The following SFMBT2 variants were observed in gnomAD, a reference collection of about 807,000 sequenced individuals.
SFMBT2 encodes Scm like with four mbt domains 2.
A neutral mutation model predicts 110.1 loss-of-function variants in SFMBT2; 38 were observed. That is an observed-to-expected ratio of 0.35 (90% confidence interval 0.27 to 0.45). The LOEUF (loss-of-function observed/expected upper bound fraction) is 0.45. SFMBT2 is among the 20% of genes least tolerant of loss of function. The pLI is 1.00. For synonymous variants in SFMBT2, 425 were observed against 425.4 expected (o/e 1.00, Z 0.01); for missense variants, 1,011 against 1,094.9 (o/e 0.92, Z 1.08).
intron 9 of SFMBT2, among the ~76,000 whole-genome samples, chr10:7,228,738 T>TCC (rs1840009300): frequency 1.6e-5 from 1 of 62,550 alleles, no homozygotes; most frequent in Admixed American, 1.8e-4. Flanking sequence ...TTTCTTTCCT[T>TCC]TCTCTCTCTC....
chr10:7,171,782 G>T lies in SFMBT2; in HGVS notation c.2415+113C>A. On this transcript the variant is annotated intron_variant, in intron 19 of 20. Transcript: ENST00000397167. This position sits in a 1 kb window ranked among gnomAD's most constrained non-coding sequence, Gnocchi z 4.9. ...GACTTGGGAACTAGCTAGAGCAGCT[G>T]CTGCTGTTGGAGGTATTTTAAACAG... The T allele has an allele frequency of 8.7e-7, 1 of 1,147,706 alleles. No individual in the cohort carries two copies. Among genetic ancestry groups the T allele is most frequent in the African/African-American group, 1.6e-5 (1 of 61,760 alleles). 71.1% of individuals were successfully genotyped at this position (1,147,706 alleles called of 1,614,324 possible). A position where few individuals can be genotyped will look rare whatever the true frequency, so the allele number is the denominator to read the frequency against.
intron 4 of SFMBT2, among the ~76,000 whole-genome samples, chr10:7,343,673 C>T (rs1286449881): frequency 6.6e-6 from 1 of 152,124 alleles, no homozygotes; most frequent in Non-Finnish European, 1.5e-5. Flanking sequence ...TGCTTGTTGG[C>T]CATGTGTATG....
chr10:7,398,443 G>C (rs1027504726), intron 1 of SFMBT2, among the ~76,000 whole-genome samples: 8 of 152,196 alleles, frequency 5.3e-5, no homozygotes, highest in African/African-American at 1.7e-4. Context: ...TATAAAGAAG[G>C]ATGAAGTTTT....
At chr10:7,406,079 C>G (rs1235889480) in intron 1 of SFMBT2, among the ~76,000 whole-genome samples, 1 of 151,710 alleles carries the variant, frequency 6.6e-6, no homozygotes, top group African/African-American at 2.4e-5. Context: ...GTACAAAAAC[C>G]TTTATGACTT....
chr10:7,345,012 G>C (rs1187403714), intron 4 of SFMBT2, among the ~76,000 whole-genome samples: 1 of 144,670 alleles, frequency 6.9e-6, no homozygotes, highest in African/African-American at 2.6e-5. Context: ...GATGATACAA[G>C]AGAGTTGTAA....
chr10:7,240,514 G>A (rs1420878858), intron 9 of SFMBT2, among the ~76,000 whole-genome samples: 1 of 152,092 alleles, frequency 6.6e-6, no homozygotes, highest in African/African-American at 2.4e-5. Flanking sequence ...ATAACTTAAG[G>A]GGAAATTTCC....
chr10:7,296,517 A>G (rs1842410946), intron 4 of SFMBT2, among the ~76,000 whole-genome samples: 1 of 152,216 alleles, frequency 6.6e-6, no homozygotes, highest in Non-Finnish European at 1.5e-5. Flanking sequence ...CCTGAAGCAA[A>G]AGAACTTCCA....
intron 7 of SFMBT2, among the ~76,000 whole-genome samples, chr10:7,257,628 AAG>A (rs139558357): frequency 0.012 from 1,795 of 152,316 alleles, 37 homozygotes; most frequent in African/African-American, 0.042. Flanking sequence ...ACAGAAAAGA[AAG>A]AACATTCATG....
At chr10:7,350,132 A>T (rs950347936) in intron 4 of SFMBT2, among the ~76,000 whole-genome samples, 5 of 151,340 alleles carry the variant, frequency 3.3e-5, no homozygotes, top group African/African-American at 9.7e-5. Context: ...GGCAAAGTCA[A>T]CCTTGATCCT....
intron 16 of SFMBT2, 28 bp downstream of exon 16, chr10:7,188,596 C>T (rs1401763229): frequency 1.3e-6 from 2 of 1,582,832 alleles, no homozygotes; most frequent in African/African-American, 2.7e-5. Context: ...TACAAAAACC[C>T]TTGCTTTCCA....
intron 4 of SFMBT2, among the ~76,000 whole-genome samples, chr10:7,362,511 T>C (rs1029461269): frequency 4.6e-5 from 7 of 152,230 alleles, no homozygotes; most frequent in Non-Finnish European, 7.3e-5. Flanking sequence ...GTGACTCCAG[T>C]TACTAGAAAA....
At chr10:7,335,733 C>T (rs1738327367) in intron 4 of SFMBT2, among the ~76,000 whole-genome samples, 1 of 152,184 alleles carries the variant, frequency 6.6e-6, no homozygotes, top group African/African-American at 2.4e-5. Context: ...ATCCAATCCA[C>T]ATCAGAAATA....
intron 17 of SFMBT2, among the ~76,000 whole-genome samples, chr10:7,173,645 C>A (rs894634346): frequency 6.6e-6 from 1 of 152,128 alleles, no homozygotes; most frequent in African/African-American, 2.4e-5. Flanking sequence ...CAAAATGTAT[C>A]ATCAGCTAAT....
At chr10:7,248,433 C>T in intron 8 of SFMBT2, 115 bp downstream of exon 8, 1 of 826,198 alleles carries the variant, frequency 1.2e-6, no homozygotes, top group Admixed American at 2.4e-5. Flanking sequence ...CTTAGCTTCG[C>T]CTGGCATTGC....
At chr10:7,371,171 T>A (rs943871751) in intron 2 of SFMBT2, among the ~76,000 whole-genome samples, 7 of 152,332 alleles carry the variant, frequency 4.6e-5, no homozygotes, top group East Asian at 1.9e-4. Context: ...TCACCCAGGC[T>A]GGAGTGCAGT....
chr10:7,169,493 T>C (rs1286046529), intron 20 of SFMBT2, among the ~76,000 whole-genome samples: 1 of 152,254 alleles, frequency 6.6e-6, no homozygotes, highest in Non-Finnish European at 1.5e-5. Flanking sequence ...ACAGACCTTT[T>C]ATGTTTCCTG....
At position 7,378,821 on chromosome 10, in the gene SFMBT2, GGTGT is replaced by G. The variant is rs566819195; in HGVS notation, c.100+2974_100+2977del. Among the ~76,000 whole-genome samples the G allele has an allele frequency of 1.6e-3, 238 of 151,452 alleles. 3 individuals carry two copies. The highest frequency in any genetic ancestry group is 5.4e-3 in the African/African-American group (223 of 41,212). On this transcript the variant is annotated intron_variant, in intron 2 of 20. Coordinates refer to ENST00000397167, the MANE Select transcript of SFMBT2 (RefSeq NM_001387889.1). ...TGGCTGTGGGGTGGGCGTGAGTGTG[GGTGT>G]GAGTGTATGGATGGGTGGGTAGGAG...
At chr10:7,193,714 C>G (rs1464849364) in intron 15 of SFMBT2, among the ~76,000 whole-genome samples, 1 of 152,202 alleles carries the variant, frequency 6.6e-6, no homozygotes, top group Non-Finnish European at 1.5e-5. Context: ...CACACAGACA[C>G]TAGCCTGATA....
Position 7,334,601 on chromosome 10 carries a change from G to A in SFMBT2, c.436+33048C>T, listed in dbSNP as rs567229802. Among the ~76,000 whole-genome samples the A allele has an allele frequency of 1.1e-4, 16 of 152,290 alleles. No homozygotes were observed. The South Asian group carries it at 2.9e-3, about 28-fold the overall frequency. On this transcript the variant is annotated intron_variant, in intron 4 of 20. Transcript: ENST00000397167. ...CTTATAAGTGAGCTGCTCATTAAAA[G>A]CGGGACCTGTCACCGATACAGACAT...
Sources: gnomAD v4.1 joint callset for allele counts (sites outside exome capture counted in the v4.1 genomes callset) on GRCh38, gnomAD v4.1.1 for gene constraint, Gnocchi (gnomAD v3.1) non-coding constraint, MANE v1.5 for transcripts, NCBI Gene and HGNC (gene_info 2026-07-23, HGNC 2026-07-21) for gene names.